The following PCM1 variants were observed in gnomAD, a reference collection of about 807,000 sequenced individuals.
PCM1 encodes pericentriolar material 1 protein.
PCM1 carries 157 observed loss-of-function variants against 241.9 expected under a neutral mutation model. That is an observed-to-expected ratio of 0.65 (90% CI 0.57 to 0.74). PCM1 has a LOEUF of 0.74. PCM1 is among the 30% of genes least tolerant of loss of function. PCM1 has a pLI of 0.00. For synonymous variants in PCM1, 1,085 were observed against 784.9 expected (o/e 1.38, Z -6.39); for missense variants, 3,478 against 2,360.1 (o/e 1.47, Z -9.81).
At chr8:18,007,679 C>T (rs933266676) in intron 30 of PCM1, among the ~76,000 whole-genome samples, 1 of 152,064 alleles carries the variant, frequency 6.6e-6, no homozygotes, top group African/African-American at 2.4e-5. Flanking sequence ...AGTTAATTTA[C>T]GTTAAATATT....
intron 7 of PCM1, among the ~76,000 whole-genome samples, chr8:17,947,910 C>T (rs2064426268): frequency 6.6e-6 from 1 of 152,146 alleles, no homozygotes; most frequent in Non-Finnish European, 1.5e-5. Context: ...TTTTCTTCCT[C>T]CTTTCCTCAT....
At chr8:17,951,084 G>T (rs1325748753) in intron 8 of PCM1, among the ~76,000 whole-genome samples, 1 of 152,152 alleles carries the variant, frequency 6.6e-6, no homozygotes, top group South Asian at 2.1e-4. Context: ...CTTTAAATCT[G>T]TGTCCTTCGA....
intron 24 of PCM1, among the ~76,000 whole-genome samples, chr8:17,985,072 A>G (rs1206063216): frequency 6.6e-6 from 1 of 151,928 alleles, no homozygotes; most frequent in African/African-American, 2.4e-5. Context: ...TGAAGTCCAT[A>G]TTAGCAAAAG....
intron 29 of PCM1, among the ~76,000 whole-genome samples, chr8:17,994,842 T>C (rs756237684): frequency 1.3e-5 from 2 of 151,564 alleles, no homozygotes; most frequent in Non-Finnish European, 2.9e-5. Flanking sequence ...TTTTGAGAAG[T>C]GTGTCTTCAG....
At chr8:17,935,818 G>A in intron 3 of PCM1, 112 bp downstream of exon 3, 1 of 587,066 alleles carries the variant, frequency 1.7e-6, no homozygotes, top group East Asian at 2.9e-5. Context: ...TGCTGGCCAA[G>A]ACATTAAGGG....
rs527692024 is a variant in PCM1 at position 17,961,970 on chromosome 8, G to A, written c.2323-64G>A. On this transcript the variant is annotated intron_variant, in intron 15 of 38. Coordinates refer to ENST00000325083, the MANE Select transcript of PCM1 (RefSeq NM_006197.4). ...CCTTAGTGCCATATTTAAAGTAACT[G>A]CTTTTATGAAATTAATATAATTGCT... The A allele has an allele frequency of 3.5e-3, 5,144 of 1,459,162 alleles. 98 individuals carry two copies. The highest frequency in any genetic ancestry group is 0.031 in the South Asian group (2,431 of 79,028). 90.4% of individuals were successfully genotyped at this position (1,459,162 alleles called of 1,614,324 possible).
Position 17,966,437 on chromosome 8 carries a change from A to T in PCM1, c.3185A>T (p.Tyr1062Phe). 1 of 1,613,802 alleles carries T rather than the reference A, an allele frequency of 6.2e-7. No individual in the cohort carries two copies. Among genetic ancestry groups the T allele is most frequent in the Non-Finnish European group, 8.5e-7 (1 of 1,179,734 alleles). ...ATAATGCACCAGTTGAACCAGTGCT[A>T]TACTCAGCTAACATGGCAACAGAAT... ...HFIMHQLNQC[Y>F]TQLTWQQNNV... Residue 1062 changes from tyrosine to phenylalanine, a missense_variant, in exon 20 of 39, where the codon TAT becomes TTT. By Grantham distance (22) the Tyr-to-Phe change is conservative (BLOSUM62 3). Coordinates refer to ENST00000325083, the MANE Select transcript of PCM1 (RefSeq NM_006197.4).
At chr8:17,996,983 A>G (rs2087047810) in intron 29 of PCM1, among the ~76,000 whole-genome samples, 1 of 152,040 alleles carries the variant, frequency 6.6e-6, no homozygotes, top group South Asian at 2.1e-4. Flanking sequence ...TGTACTTTCT[A>G]TTACTGGTGA....
chr8:17,945,500 A>G (rs989819536), intron 6 of PCM1, among the ~76,000 whole-genome samples: 4 of 152,180 alleles, frequency 2.6e-5, no homozygotes, highest in African/African-American at 7.2e-5. Flanking sequence ...GAAATAATCT[A>G]ATTATAGCCA....
At chr8:18,003,330 A>G (rs1055125114) in intron 29 of PCM1, among the ~76,000 whole-genome samples, 1 of 152,220 alleles carries the variant, frequency 6.6e-6, no homozygotes, top group African/African-American at 2.4e-5. Context: ...CCCATAGGAT[A>G]AAGACCAGGT....
chr8:17,930,064 C>G (rs189491812), intron 2 of PCM1, among the ~76,000 whole-genome samples: 7 of 148,592 alleles, frequency 4.7e-5, no homozygotes, highest in East Asian at 2.0e-4. Flanking sequence ...AATTGGTATT[C>G]TGTACATCCT....
At chr8:18,024,177 G>C (rs1054410306) in intron 36 of PCM1, among the ~76,000 whole-genome samples, 3 of 151,938 alleles carry the variant, frequency 2.0e-5, no homozygotes, top group African/African-American at 7.3e-5. Context: ...GAGCAACCTG[G>C]GCAACATAGT....
At chr8:17,939,305 T>C (rs2061347788) in intron 5 of PCM1, among the ~76,000 whole-genome samples, 1 of 152,192 alleles carries the variant, frequency 6.6e-6, no homozygotes, top group Non-Finnish European at 1.5e-5. Flanking sequence ...AATAGATTTT[T>C]GTAGGAATTT....
At chr8:17,983,803 G>C (rs1016412200) in intron 24 of PCM1, among the ~76,000 whole-genome samples, 5 of 152,076 alleles carry the variant, frequency 3.3e-5, no homozygotes, top group South Asian at 2.1e-4. Context: ...GTGATTTAGA[G>C]TTGTAAATAT....
In PCM1 at chr8:17,963,124, T is replaced by C; in HGVS notation, c.2487T>C (p.His829=). 3 of 1,611,482 alleles carry C rather than the reference T, an allele frequency of 1.9e-6. No homozygotes were observed. The highest frequency in any genetic ancestry group is 2.5e-6 in the Non-Finnish European group (3 of 1,178,682). The part of the protein sequence containing the change: ...DNELWSEMRR[H]EMLREELRQR... ...AGTTGTGGTCAGAAATGAGAAGACA[T>C]GAAATGTTGAGGGAGGAGCTGCGAC... Residue 829 remains histidine (H), a synonymous_variant, in exon 17 of 39, where the codon CAT becomes CAC. Transcript: ENST00000325083.
Position 17,953,754 on chromosome 8 carries a change from C to G in PCM1, c.1288+568C>G, listed in dbSNP as rs187704448. Among the ~76,000 whole-genome samples the G allele has an allele frequency of 1.4e-3, 206 of 152,250 alleles. 1 individual carries two copies. Among genetic ancestry groups the G allele is most frequent in the African/African-American group, 4.7e-3 (197 of 41,544 alleles). On this transcript the variant is annotated intron_variant, in intron 9 of 38. Transcript: ENST00000325083. ...TCTTTTTTGCTCCACACGTGTTTAA[C>G]CTTCTTTGTCTAAATCAGATCTAGT...
At position 18,027,862 on chromosome 8, in the gene PCM1, G is replaced by GTTT; in HGVS notation, c.*211_*213dup. The GTTT allele has an allele frequency of 1.2e-5, 4 of 321,228 alleles. No homozygotes were observed. The highest frequency in any genetic ancestry group is 1.0e-4 in the Admixed American group (2 of 19,304). The allele number at this position is 321,228 out of a possible 1,614,324, so 19.9% of individuals were successfully genotyped here. Reference sequence around the variant, plus strand: ...ACAGATTTAAGCCTTGACACACTGTGTTTTTTTTTTTTTCCCCCTTCTTTT... The same window carrying GTTT: ...ACAGATTTAAGCCTTGACACACTGTGTTTTTTTTTTTTTTTTCCCCCTTCTTTT... On this transcript the variant is annotated 3_prime_UTR_variant, in exon 39 of 39. Coordinates refer to ENST00000325083, the MANE Select transcript of PCM1 (RefSeq NM_006197.4).
intron 36 of PCM1, among the ~76,000 whole-genome samples, chr8:18,020,872 AC>A (rs916139278): frequency 4.8e-4 from 73 of 152,124 alleles, no homozygotes; most frequent in African/African-American, 1.6e-3. Context: ...TTGTAGTGGA[AC>A]CCCCATCAGT....
At chr8:17,956,496 C>A in intron 10 of PCM1, 108 bp from the exon 11 acceptor site, 1 of 670,032 alleles carries the variant, frequency 1.5e-6, no homozygotes, top group South Asian at 1.9e-5. Flanking sequence ...GTGGATATTC[C>A]ATTAGGTCTA....
Sources: allele counts gnomAD v4.1 joint callset (sites outside exome capture counted in the v4.1 genomes callset), GRCh38; gene constraint gnomAD v4.1.1; transcripts MANE v1.5; gene names NCBI Gene and HGNC (gene_info 2026-07-23, HGNC 2026-07-21).